The following KCNN2 variants were observed in gnomAD, a reference collection of about 807,000 sequenced individuals.
KCNN2 encodes the protein small conductance calcium-activated potassium channel protein 2.
Under a neutral mutation model 55.5 loss-of-function variants are expected in KCNN2, and 24 were observed. That is an observed-to-expected ratio of 0.43 (90% CI 0.31 to 0.61). The LOEUF (loss-of-function observed/expected upper bound fraction) is 0.61, where lower values mean the gene tolerates loss of function less well. Ranked by LOEUF, KCNN2 falls within the 20% of genes least tolerant of loss-of-function variation. The pLI, the probability that KCNN2 is intolerant of heterozygous loss-of-function variation, is 0.08. For synonymous variants in KCNN2, 431 were observed against 336.1 expected (o/e 1.28, Z -3.09); for missense variants, 754 against 853.6 (o/e 0.88, Z 1.45).
chr5:114,319,037 C>A (rs145260751), intron 2 of KCNN2, among the ~76,000 whole-genome samples: 1 of 152,046 alleles, frequency 6.6e-6, no homozygotes, highest in East Asian at 1.9e-4. Flanking sequence ...GTGCCCCCAA[C>A]GTACACAGAC....
chr5:114,242,257 C>G (rs1342593037), intron 2 of KCNN2, among the ~76,000 whole-genome samples: 2 of 151,982 alleles, frequency 1.3e-5, no homozygotes, highest in Non-Finnish European at 2.9e-5. Context: ...GTCAGTGCCT[C>G]TGCTCAGTAG....
intron 2 of KCNN2, among the ~76,000 whole-genome samples, chr5:114,342,038 A>C (rs1486639202): frequency 2.0e-5 from 3 of 151,794 alleles, no homozygotes; most frequent in Non-Finnish European, 2.9e-5. Context: ...AGTAGCTGGG[A>C]CTACAGGCAC....
At chr5:114,148,497 G>T (rs574327462) in intron 1 of KCNN2, among the ~76,000 whole-genome samples, 22 of 152,152 alleles carry the variant, frequency 1.4e-4, no homozygotes, top group Non-Finnish European at 2.6e-4. Context: ...CATCCATTGT[G>T]TAGAGGCAGA....
rs183191812 is a variant in KCNN2, at chr5:114,126,806, C to A, written c.-271+70306C>A. Reference sequence around the variant, plus strand: ...CCTTCCACCTATGAGCCTGTAAAATCAAAAGCAAGTTAGTTACTTCCTAGA... The same window carrying A: ...CCTTCCACCTATGAGCCTGTAAAATAAAAAGCAAGTTAGTTACTTCCTAGA... On this transcript the variant is annotated intron_variant, in intron 1 of 10. Transcript: ENST00000512097. Among the ~76,000 whole-genome samples, 3 of 152,230 alleles carry A rather than the reference C, an allele frequency of 2.0e-5. No homozygotes were observed. In the East Asian group the frequency reaches 5.8e-4, roughly 29 times the overall value.
intron 6 of KCNN2, among the ~76,000 whole-genome samples, chr5:114,487,481 T>C (rs534858093): frequency 6.6e-6 from 1 of 152,314 alleles, no homozygotes; most frequent in South Asian, 2.1e-4. Flanking sequence ...GATAGTTTGC[T>C]CTAGGATTTT....
At chr5:114,374,010 A>G (rs368896817) in intron 2 of KCNN2, among the ~76,000 whole-genome samples, 93 of 152,104 alleles carry the variant, frequency 6.1e-4, no homozygotes, top group African/African-American at 2.1e-3. Flanking sequence ...AGGTTTGACT[A>G]TCTTAGGAGA....
At chr5:114,375,977 T>TATATATATATATATATATATAA (rs1757921805) in intron 2 of KCNN2, among the ~76,000 whole-genome samples, 1 of 145,714 alleles carries the variant, frequency 6.9e-6, no homozygotes, top group East Asian at 2.1e-4. Flanking sequence ...TATATATATA[T>TATATATATATATATATATATAA]GTATTTTTTT....
intron 2 of KCNN2, among the ~76,000 whole-genome samples, chr5:114,243,219 A>G (rs1225000179): frequency 2.6e-5 from 4 of 152,228 alleles, no homozygotes; most frequent in East Asian, 3.8e-4. Flanking sequence ...AAAAAGATGA[A>G]TAAGAACCTA....
chr5:114,217,707 G>A (rs1289774466), intron 1 of KCNN2, among the ~76,000 whole-genome samples: 1 of 152,068 alleles, frequency 6.6e-6, no homozygotes, highest in Non-Finnish European at 1.5e-5. Context: ...GGCTTTTTAG[G>A]TACAACACTA....
At chr5:114,451,756 G>A (rs920719794) in intron 3 of KCNN2, among the ~76,000 whole-genome samples, 6 of 151,330 alleles carry the variant, frequency 4.0e-5, no homozygotes, top group Admixed American at 2.6e-4. Context: ...AATTAGCCAG[G>A]CATGGTAGCG....
intron 2 of KCNN2, among the ~76,000 whole-genome samples, chr5:114,306,731 C>G (rs1030941597): frequency 1.5e-5 from 2 of 137,212 alleles, no homozygotes; most frequent in Non-Finnish European, 3.1e-5. Flanking sequence ...GACCAAGTCT[C>G]GCTCTGTCAC....
At chr5:114,375,385 A>G (rs868087816) in intron 2 of KCNN2, among the ~76,000 whole-genome samples, 30 of 152,164 alleles carry the variant, frequency 2.0e-4, no homozygotes, top group African/African-American at 7.2e-4. Flanking sequence ...TAGGTACCCA[A>G]GCAAAGGTAT....
chr5:114,486,922 TG>T, intron 5 of KCNN2, 127 bp from the exon 6 acceptor site: 1 of 1,240,508 alleles, frequency 8.1e-7, no homozygotes, highest in Non-Finnish European at 1.1e-6. Flanking sequence ...AAATGGTATT[TG>T]GAGTCATGGT....
At chr5:114,073,191 A>G (rs562977741) in intron 1 of KCNN2, among the ~76,000 whole-genome samples, 28 of 152,336 alleles carry the variant, frequency 1.8e-4, no homozygotes, top group African/African-American at 6.3e-4. Context: ...TCACTGGAAT[A>G]TTCCCATCAG....
At chr5:114,208,293 C>T (rs1320123455) in intron 1 of KCNN2, among the ~76,000 whole-genome samples, 2 of 152,158 alleles carry the variant, frequency 1.3e-5, no homozygotes, top group Non-Finnish European at 2.9e-5. Context: ...TCAGTCCAGA[C>T]TGTCATCCCT....
intron 2 of KCNN2, among the ~76,000 whole-genome samples, chr5:114,286,894 G>A (rs1456192955): frequency 6.6e-6 from 1 of 152,180 alleles, no homozygotes; most frequent in East Asian, 1.9e-4. Flanking sequence ...TGACGGAAGT[G>A]TCTATTAAGC....
intron 2 of KCNN2, among the ~76,000 whole-genome samples, chr5:114,317,436 A>T (rs1302417989): frequency 1.3e-5 from 2 of 152,224 alleles, no homozygotes; most frequent in Non-Finnish European, 2.9e-5. Context: ...GAAATCGCTC[A>T]TGCCAATTAT....
At chr5:114,379,837 A>G (rs895005690) in intron 2 of KCNN2, among the ~76,000 whole-genome samples, 2 of 145,346 alleles carry the variant, frequency 1.4e-5, no homozygotes, top group African/African-American at 2.5e-5. Flanking sequence ...AATATATTAT[A>G]TAGCTTATAT....
chr5:114,179,391 C>T (rs1753195631), intron 1 of KCNN2, among the ~76,000 whole-genome samples: 1 of 152,182 alleles, frequency 6.6e-6, no homozygotes, highest in South Asian at 2.1e-4. Context: ...TTGCTTTCCC[C>T]AGAGTGATAT....
Sources: allele counts gnomAD v4.1 joint callset (sites outside exome capture counted in the v4.1 genomes callset), GRCh38; gene constraint gnomAD v4.1.1; transcripts MANE v1.5; gene names NCBI Gene and HGNC (gene_info 2026-07-23, HGNC 2026-07-21).